The following ANO6 variants were observed in gnomAD, a reference collection of about 807,000 sequenced individuals.
ANO6 encodes the protein anoctamin 6.
A neutral mutation model predicts 117.5 loss-of-function variants in ANO6; 106 were observed. The ratio of observed to expected loss-of-function variants is 0.90; its 90% CI spans 0.77 to 1.06. ANO6 has a LOEUF of 1.06. Among genes scored for constraint, ANO6 ranks in the 50% least tolerant of loss-of-function variants. The pLI is 0.00. For synonymous variants in ANO6, 367 were observed against 385.1 expected (o/e 0.95, Z 0.55); for missense variants, 955 against 1,121.1 (o/e 0.85, Z 2.12).
At chr12:45,270,479 A>G in intron 1 of ANO6, 1 of 1,512,228 alleles carries the variant, frequency 6.6e-7, no homozygotes, top group Non-Finnish European at 8.8e-7. Flanking sequence ...TCCTGCCTCC[A>G]GGAGGCCTTT....
intron 2 of ANO6, among the ~76,000 whole-genome samples, chr12:45,322,091 T>C (rs1202672324): frequency 6.6e-6 from 1 of 152,120 alleles, no homozygotes; most frequent in Non-Finnish European, 1.5e-5. Context: ...GTAATGCAGT[T>C]AGAAAGGCAA....
chr12:45,233,078 A>G (rs1033828465), intron 1 of ANO6, among the ~76,000 whole-genome samples: 4 of 152,168 alleles, frequency 2.6e-5, no homozygotes, highest in Admixed American at 2.6e-4. Flanking sequence ...CTTCTACTCT[A>G]CTGGCTGTGG....
intron 1 of ANO6, among the ~76,000 whole-genome samples, chr12:45,224,426 T>TA (rs1947451167): frequency 6.6e-6 from 1 of 152,050 alleles, no homozygotes; most frequent in African/African-American, 2.4e-5. Flanking sequence ...TATATATACA[T>TA]ATGTGTGTGT....
At chr12:45,341,484 C>T (rs1373777780) in intron 3 of ANO6, among the ~76,000 whole-genome samples, 2 of 152,154 alleles carry the variant, frequency 1.3e-5, no homozygotes, top group African/African-American at 2.4e-5. Context: ...GTGTTTTCTG[C>T]GTCTATGATA....
intron 1 of ANO6, among the ~76,000 whole-genome samples, chr12:45,246,141 C>A (rs1947822090): frequency 1.3e-5 from 2 of 152,094 alleles, no homozygotes; most frequent in South Asian, 4.1e-4. Flanking sequence ...TTTTATTCCT[C>A]TGGTGACTTT....
intron 1 of ANO6, among the ~76,000 whole-genome samples, chr12:45,254,590 G>A (rs960791831): frequency 1.3e-5 from 2 of 152,186 alleles, no homozygotes; most frequent in African/African-American, 4.8e-5. Flanking sequence ...TGGAAAATCA[G>A]TTAAGTACAG....
intron 2 of ANO6, among the ~76,000 whole-genome samples, chr12:45,307,227 A>T (rs2137321230): frequency 6.6e-6 from 1 of 152,186 alleles, no homozygotes; most frequent in African/African-American, 2.4e-5. Context: ...CTGTCCTGAG[A>T]ATAGATTATG....
At chr12:45,220,149 A>T (rs1394806692) in intron 1 of ANO6, among the ~76,000 whole-genome samples, 1 of 152,194 alleles carries the variant, frequency 6.6e-6, no homozygotes, top group Non-Finnish European at 1.5e-5. Flanking sequence ...CTCTGTGGTC[A>T]AGCTTTGCTG....
intron 12 of ANO6, among the ~76,000 whole-genome samples, chr12:45,395,963 T>C (rs1403964528): frequency 6.6e-6 from 1 of 152,172 alleles, no homozygotes; most frequent in African/African-American, 2.4e-5. Context: ...TCCACTCCCA[T>C]TCAACATAGT....
intron 2 of ANO6, among the ~76,000 whole-genome samples, chr12:45,321,164 G>C (rs886899986): frequency 6.6e-6 from 1 of 152,104 alleles, no homozygotes; most frequent in African/African-American, 2.4e-5. Context: ...AAATGAAGAT[G>C]ATTCAGTCTT....
At chr12:45,313,478 A>C (rs973545723) in intron 2 of ANO6, 3 of 152,060 alleles carry the variant, frequency 2.0e-5, no homozygotes, top group Non-Finnish European at 4.4e-5. Flanking sequence ...TCTAACATTT[A>C]TGGATGCTTG....
chr12:45,310,918 G>GT, intron 2 of ANO6, among the ~76,000 whole-genome samples: 1 of 152,052 alleles, frequency 6.6e-6, no homozygotes, highest in Non-Finnish European at 1.5e-5. Context: ...AGAATGAGAT[G>GT]TTTAAGCAGA....
chr12:45,331,318 C>G lies in ANO6; in HGVS notation c.174C>G (p.Asp58Glu). 6.2e-7 allele frequency: 1 copy of G among 1,609,428 alleles called. No individual in the cohort carries two copies. Among genetic ancestry groups the G allele is most frequent in the Non-Finnish European group, 8.5e-7 (1 of 1,177,628 alleles). Reference sequence around the variant, plus strand: ...AGGAAGAATTTAATGGAAAACCTGACTCCCTCTTTTTTAATGATGGCCAGC... The same window carrying G: ...AGGAAGAATTTAATGGAAAACCTGAGTCCCTCTTTTTTAATGATGGCCAGC... ...PEFEEFNGKPDSLFFNDGQRR... is the reference protein window; with the variant it reads ...PEFEEFNGKPESLFFNDGQRR... Residue 58 changes from aspartate to glutamate, a missense_variant, in exon 3 of 20, where the codon GAC (aspartate) becomes GAG (glutamate). Physicochemically the swap from Asp to Glu is conservative, Grantham distance 45 (BLOSUM62 2). Transcript: ENST00000320560.
intron 2 of ANO6, among the ~76,000 whole-genome samples, chr12:45,328,933 T>G (rs908444711): frequency 7.2e-5 from 11 of 152,294 alleles, no homozygotes; most frequent in African/African-American, 2.6e-4. Flanking sequence ...AGTAAACCTT[T>G]CTTGCATCCT....
At position 45,347,012 on chromosome 12, in the gene ANO6, C is replaced by G. The variant is rs777747187; in HGVS notation, c.280-10C>G. The stretch of plus-strand genomic sequence containing the variant: ...AAAGGTCTAACATATATTCCAACTT[C>G]TTTTGACAGAGGAAAAGACAAGCAT... On this transcript the variant is annotated splice_polypyrimidine_tract_variant and intron_variant, in intron 3 of 19. Transcript: ENST00000320560. 2.5e-6 allele frequency: 4 copies of G among 1,613,888 alleles called. No homozygotes were observed. Among genetic ancestry groups the G allele is most frequent in the Non-Finnish European group, 3.4e-6 (4 of 1,179,876 alleles).
At chr12:45,434,080 G>C (rs139677778), downstream of ANO6, among the ~76,000 whole-genome samples, 1 of 152,122 alleles carries the variant, frequency 6.6e-6, no homozygotes, top group African/African-American at 2.4e-5. Flanking sequence ...TGGAAGATAC[G>C]CCTGAGATCG....
At chr12:45,278,724 T>A (rs1021997648) in intron 1 of ANO6, among the ~76,000 whole-genome samples, 4 of 152,228 alleles carry the variant, frequency 2.6e-5, no homozygotes, top group Non-Finnish European at 4.4e-5. Context: ...GCTTTGCTGT[T>A]TCTCTGTTAG....
intron 2 of ANO6, among the ~76,000 whole-genome samples, chr12:45,303,218 G>A (rs1415236367): frequency 6.6e-6 from 1 of 152,206 alleles, no homozygotes; most frequent in Non-Finnish European, 1.5e-5. Context: ...GAAAGACGTA[G>A]TATTCAATGA....
At chr12:45,415,829 A>G (rs962491622) in intron 16 of ANO6, among the ~76,000 whole-genome samples, 2 of 151,944 alleles carry the variant, frequency 1.3e-5, no homozygotes, top group South Asian at 4.1e-4. Context: ...GCCTAATGGA[A>G]CTCTATGTTT....
Sources: allele counts gnomAD v4.1 joint callset (sites outside exome capture counted in the v4.1 genomes callset), GRCh38; gene constraint gnomAD v4.1.1; transcripts MANE v1.5; gene names NCBI Gene and HGNC (gene_info 2026-07-23, HGNC 2026-07-21).